INSYN2B: variants seen among roughly 807,000 people sequenced by gnomAD.
INSYN2B encodes protein INSYN2B.
Under a neutral mutation model 41.2 loss-of-function variants are expected in INSYN2B, and 16 were observed. The ratio of observed to expected loss-of-function variants is 0.39; its 90% confidence interval spans 0.26 to 0.59. INSYN2B has a LOEUF of 0.59. Ranked by LOEUF, INSYN2B falls within the 20% of genes least tolerant of loss-of-function variation. INSYN2B has a pLI of 0.57. For missense variants in INSYN2B, 608 were observed against 646.4 expected (o/e 0.94, Z 0.64); for synonymous variants, 245 against 244.4 (o/e 1.00, Z -0.02).
intron 1 of INSYN2B, among the ~76,000 whole-genome samples, chr5:169,916,534 A>G (rs1561820596): frequency 1.3e-5 from 2 of 152,206 alleles, no homozygotes; most frequent in Non-Finnish European, 2.9e-5. Flanking sequence ...GCTATTGGGC[A>G]ACCTTCCTGT....
At chr5:169,964,440 C>T (rs1777217434) in intron 1 of INSYN2B, among the ~76,000 whole-genome samples, 1 of 152,180 alleles carries the variant, frequency 6.6e-6, no homozygotes, top group East Asian at 1.9e-4. Flanking sequence ...AGGAGAGAGG[C>T]CTGGGAGGGG....
chr5:169,883,703 C>T lies in INSYN2B; in HGVS notation c.196G>A (p.Gly66Arg). The change falls in exon 2 of 4, where the codon GGG becomes AGG. Residue 66 changes from glycine to arginine, a missense_variant. Physicochemically the swap from Gly to Arg is moderately radical, Grantham distance 125. Coordinates refer to ENST00000377365, the MANE Select transcript of INSYN2B (RefSeq NM_001129891.3). ...VQTPEDPAVMGKTQATRHHLP... is the reference protein window; with the variant it reads ...VQTPEDPAVMRKTQATRHHLP... ...TGGTGCCTGGTTGCTTGAGTCTTCC[C>T]CATCACAGCCGGGTCTTCTGGAGTT... 6.4e-7 allele frequency: 1 copy of T among 1,551,318 alleles called. No homozygotes were observed. Among genetic ancestry groups the T allele is most frequent in the Non-Finnish European group, 8.7e-7 (1 of 1,146,788 alleles).
chr5:169,884,193 G>A lies in INSYN2B; in HGVS notation c.-295C>T. 1 of 242,512 alleles carries A rather than the reference G, an allele frequency of 4.1e-6. No homozygotes were observed. The highest frequency in any genetic ancestry group is 1.7e-4 in the South Asian group (1 of 6,016). The allele number at this position is 242,512 out of a possible 1,614,324, so 15.0% of individuals were successfully genotyped here. On this transcript the variant is annotated 5_prime_UTR_variant, in exon 2 of 4. Coordinates refer to ENST00000377365, the MANE Select transcript of INSYN2B (RefSeq NM_001129891.3). ...AACTATTAAACATCTGATCTACCAA[G>A]AGAGCTGGTAGGCGGTTTATCAAGG...
chr5:169,932,348 A>T (rs1425733444), intron 1 of INSYN2B, among the ~76,000 whole-genome samples: 1 of 152,076 alleles, frequency 6.6e-6, no homozygotes, highest in African/African-American at 2.4e-5. Context: ...TTGGAACTAT[A>T]CCCGCTGCAG....
At chr5:169,963,513 A>G (rs550361717) in intron 1 of INSYN2B, among the ~76,000 whole-genome samples, 2 of 152,202 alleles carry the variant, frequency 1.3e-5, no homozygotes, top group East Asian at 3.9e-4. Context: ...ACAATTGTGC[A>G]TGTCCCTTAG....
intron 2 of INSYN2B, 54 bp from the exon 3 acceptor site, chr5:169,881,496 AC>A: frequency 7.2e-7 from 1 of 1,391,922 alleles, no homozygotes; most frequent in South Asian, 1.2e-5. Context: ...CACGTGGGCC[AC>A]AAACATTCAA....
At chr5:169,931,391 G>C (rs138988040) in intron 1 of INSYN2B, among the ~76,000 whole-genome samples, 1 of 152,278 alleles carries the variant, frequency 6.6e-6, no homozygotes, top group East Asian at 1.9e-4. Context: ...CCGCCTCTCG[G>C]CAATTGAACA....
chr5:169,916,657 T>G (rs1019006026), intron 1 of INSYN2B, among the ~76,000 whole-genome samples: 1 of 141,586 alleles, frequency 7.1e-6, no homozygotes, highest in African/African-American at 2.7e-5. Context: ...GGTATTAGGT[T>G]AGGGATTGGT....
chr5:169,973,149 C>G (rs564341342), intron 1 of INSYN2B, among the ~76,000 whole-genome samples: 1 of 152,326 alleles, frequency 6.6e-6, no homozygotes, highest in South Asian at 2.1e-4. Context: ...TGGAAGCTCT[C>G]TGGCTTGGTC....
At chr5:169,948,726 C>T (rs1561845176) in intron 1 of INSYN2B, among the ~76,000 whole-genome samples, 1 of 151,838 alleles carries the variant, frequency 6.6e-6, no homozygotes, top group African/African-American at 2.4e-5. Flanking sequence ...GATTCTCCCA[C>T]CTCAGCCTCC....
intron 1 of INSYN2B, among the ~76,000 whole-genome samples, chr5:169,898,590 G>A (rs261064): frequency 0.2 from 30,883 of 151,974 alleles, 4,560 homozygotes; most frequent in African/African-American, 0.42. Context: ...TGAGTTCAAT[G>A]AAAGAATGAC....
intron 1 of INSYN2B, among the ~76,000 whole-genome samples, chr5:169,913,118 G>C (rs1028473916): frequency 1.3e-5 from 2 of 152,124 alleles, no homozygotes; most frequent in Non-Finnish European, 2.9e-5. Context: ...ATTTGAAACA[G>C]GTCATAACTT....
intron 1 of INSYN2B, among the ~76,000 whole-genome samples, chr5:169,909,651 C>T (rs1363934869): frequency 6.6e-6 from 1 of 152,204 alleles, no homozygotes; most frequent in Non-Finnish European, 1.5e-5. Flanking sequence ...AGAATTCAAA[C>T]TCAAATCTGC....
At chr5:169,966,805 C>CA (rs1319646063) in intron 1 of INSYN2B, among the ~76,000 whole-genome samples, 1 of 152,196 alleles carries the variant, frequency 6.6e-6, no homozygotes, top group Non-Finnish European at 1.5e-5. Context: ...CCTCCCTACT[C>CA]AGGCTCCAGC....
intron 1 of INSYN2B, among the ~76,000 whole-genome samples, chr5:169,972,829 T>G (rs1451836966): frequency 6.6e-6 from 1 of 152,176 alleles, no homozygotes; most frequent in Non-Finnish European, 1.5e-5. Context: ...ACACCTTCAG[T>G]GTGTCCTTGC....
chr5:169,871,780 A>G (rs1359436863), intron 3 of INSYN2B, among the ~76,000 whole-genome samples: 3 of 152,182 alleles, frequency 2.0e-5, no homozygotes, highest in Non-Finnish European at 4.4e-5. Flanking sequence ...GACCTAAACT[A>G]GGGCTGGGGT....
intron 1 of INSYN2B, among the ~76,000 whole-genome samples, chr5:169,914,445 C>T (rs961506745): frequency 2.0e-5 from 3 of 152,304 alleles, no homozygotes; most frequent in South Asian, 2.1e-4. Context: ...CAACAGGCTC[C>T]TGTTTTATGG....
intron 1 of INSYN2B, among the ~76,000 whole-genome samples, chr5:169,972,542 C>CAGATAGATAGATAGAT (rs143089504): frequency 7.8e-5 from 11 of 141,328 alleles, no homozygotes; most frequent in Admixed American, 1.4e-4. Context: ...CACTGTGAGA[C>CAGATAGATAGATAGAT]AGATAGATAG....
chr5:169,934,991 C>A, intron 1 of INSYN2B: 1 of 263,896 alleles, frequency 3.8e-6, no homozygotes, highest in Non-Finnish European at 7.5e-6. Flanking sequence ...ACGTTAGCAG[C>A]CAACATACTG....
Sources: allele counts gnomAD v4.1 joint callset (sites outside exome capture counted in the v4.1 genomes callset), GRCh38; gene constraint gnomAD v4.1.1; transcripts MANE v1.5; gene names NCBI Gene and HGNC (gene_info 2026-07-23, HGNC 2026-07-21).